The following MDN1 variants were observed in gnomAD, a reference collection of about 807,000 sequenced individuals.
MDN1 encodes the protein midasin AAA ATPase 1.
A neutral mutation model predicts 669.2 loss-of-function variants in MDN1; 266 were observed. The ratio of observed to expected loss-of-function variants is 0.40; its 90% CI spans 0.36 to 0.44. MDN1 has a LOEUF of 0.44. Ranked by LOEUF, MDN1 falls within the 20% of genes least tolerant of loss-of-function variation. The probability of loss-of-function intolerance (pLI) is 1.00; values close to 1 mark genes in which losing one functional copy is unlikely to be tolerated. For synonymous variants in MDN1, 2,385 were observed against 2,457.1 expected (o/e 0.97, Z 0.87); for missense variants, 5,940 against 6,754.0 (o/e 0.88, Z 4.22).
At chr6:89,757,195 A>G (rs1817297338) in intron 19 of MDN1, among the ~76,000 whole-genome samples, 1 of 152,124 alleles carries the variant, frequency 6.6e-6, no homozygotes, top group Non-Finnish European at 1.5e-5. Flanking sequence ...AAATCTGGTC[A>G]TTTAATTTAT....
intron 9 of MDN1, among the ~76,000 whole-genome samples, chr6:89,783,866 C>G (rs1263970679): frequency 6.6e-6 from 1 of 151,824 alleles, no homozygotes; most frequent in Non-Finnish European, 1.5e-5. Context: ...TGGCATGCAC[C>G]AGCTACTCGG....
At chr6:89,774,834 G>T (rs1019869972) in intron 12 of MDN1, 101 bp from the exon 13 acceptor site, 16 of 722,234 alleles carry the variant, frequency 2.2e-5, no homozygotes, top group South Asian at 4.9e-5. Flanking sequence ...ACTCTACAAA[G>T]AATTATTCTC....
chr6:89,651,987 G>GT (rs1808904942), intron 95 of MDN1, among the ~76,000 whole-genome samples: 1 of 152,184 alleles, frequency 6.6e-6, no homozygotes. Flanking sequence ...ACCAATTTCT[G>GT]TTTTAATTAA....
rs367853547 is a variant in MDN1 at position 89,684,392 on chromosome 6, A to T, written c.11829+484T>A. Among the ~76,000 whole-genome samples the T allele has an allele frequency of 2.3e-3, 331 of 145,718 alleles. 1 individual carries two copies. The highest frequency in any genetic ancestry group is 3.6e-3 in the Middle Eastern group (1 of 278). On this transcript the variant is annotated intron_variant, in intron 71 of 101. Coordinates refer to ENST00000369393, the MANE Select transcript of MDN1 (RefSeq NM_014611.3). ...AATGTTTTGGTCTCAAAGTGATTTAAAAAAAAAAAAAAAAAAAGAGTGCTG... is the reference window on the plus strand; with the variant it reads ...AATGTTTTGGTCTCAAAGTGATTTATAAAAAAAAAAAAAAAAAGAGTGCTG...
In MDN1 at chr6:89,764,378, G is replaced by A. The variant is rs1002836641; in HGVS notation, c.2145-1848C>T. Among the ~76,000 whole-genome samples the A allele has an allele frequency of 2.6e-5, 4 of 152,246 alleles. No homozygotes were observed. In the East Asian group the frequency reaches 7.7e-4, roughly 29 times the overall value. On this transcript the variant is annotated intron_variant, in intron 15 of 101. Transcript: ENST00000369393. ...CCCAGCACTTTGGGAGGCTAAACAG[G>A]TGGATTGCTTGAGCTCCAGAGTTCG...
rs374002329 is a variant in MDN1 at position 89,762,490 on chromosome 6, G to A, written c.2185C>T (p.Arg729Trp). ...GCAAAGAGTTCCTCAAATGCCTCCCGTAAGGGTAGCCAAATAAGCTTATGG... is the reference window on the plus strand; with the variant it reads ...GCAAAGAGTTCCTCAAATGCCTCCCATAAGGGTAGCCAAATAAGCTTATGG... The part of the protein sequence containing the change: ...VDHKLIWLPL[R>W]EAFEELFAQT... Residue 729 changes from arginine (R) to tryptophan (W), a missense_variant, in exon 16 of 102, where the codon CGG becomes TGG. Physicochemically the swap from Arg to Trp is moderately radical, Grantham distance 101. Transcript: ENST00000369393. 3 of 1,614,004 alleles carry A rather than the reference G, an allele frequency of 1.9e-6. No individual in the cohort carries two copies. The highest frequency in any genetic ancestry group is 2.5e-6 in the Non-Finnish European group (3 of 1,179,944).
chr6:89,778,909 A>AATAAATAAATAC (rs1818487718), intron 11 of MDN1, among the ~76,000 whole-genome samples: 3 of 146,970 alleles, frequency 2.0e-5, no homozygotes, highest in African/African-American at 7.5e-5. Flanking sequence ...TAAATAAATA[A>AATAAATAAATAC]ATAAATAAAT....
intron 1 of MDN1, among the ~76,000 whole-genome samples, chr6:89,812,024 T>C (rs1191207668): frequency 2.0e-5 from 3 of 151,826 alleles, no homozygotes; most frequent in Admixed American, 6.6e-5. Context: ...TCTCGCTCTA[T>C]TGCCCTGGCT....
intron 5 of MDN1, among the ~76,000 whole-genome samples, chr6:89,791,565 T>C (rs1017744598): frequency 7.9e-5 from 12 of 152,232 alleles, no homozygotes; most frequent in African/African-American, 2.4e-4. Flanking sequence ...GTATTCACTA[T>C]ACCATTCTTT....
rs756582695 is a variant in MDN1, at chr6:89,654,264, C to G, written c.15561G>C (p.Glu5187Asp). The G allele has an allele frequency of 2.5e-6, 4 of 1,614,108 alleles. No homozygotes were observed. Among genetic ancestry groups the G allele is most frequent in the Non-Finnish European group, 3.4e-6 (4 of 1,180,050 alleles). ...SGKDQEEEEIEDTLMDTEEQE... is the reference protein window; with the variant it reads ...SGKDQEEEEIDDTLMDTEEQE... ...GCTCCTCTGTGTCCATAAGGGTGTC[C>G]TCTATCTCCTCCTCTTCCTGATCTT... The change falls in exon 93 of 102, where the codon GAG (glutamate) becomes GAC (aspartate). Residue 5187 changes from glutamate to aspartate, a missense_variant. Coordinates refer to ENST00000369393, the MANE Select transcript of MDN1 (RefSeq NM_014611.3).
chr6:89,699,969 C>A, intron 57 of MDN1, 94 bp downstream of exon 57: 1 of 1,259,260 alleles, frequency 7.9e-7, no homozygotes. Context: ...GTAACCATCC[C>A]TATCAAGTCT....
chr6:89,796,794 C>T (rs1275328264), intron 2 of MDN1, among the ~76,000 whole-genome samples: 2 of 151,516 alleles, frequency 1.3e-5, no homozygotes, highest in East Asian at 1.9e-4. Context: ...CTGGGCTGGG[C>T]GCAGTGGCTC....
intron 82 of MDN1, 119 bp from the exon 83 acceptor site, chr6:89,671,199 A>G: frequency 9.2e-7 from 1 of 1,087,342 alleles, no homozygotes; most frequent in East Asian, 2.6e-5. Context: ...AATAGTACTA[A>G]TGGCAAGTTA....
intron 10 of MDN1, among the ~76,000 whole-genome samples, chr6:89,780,641 C>CTTTTA (rs1554197066): frequency 7.6e-6 from 1 of 131,216 alleles, no homozygotes; most frequent in African/African-American, 3.0e-5. Flanking sequence ...ATGCCATTTC[C>CTTTTA]TTTTTTTTTT....
At chr6:89,684,078 T>C (rs927403915) in intron 71 of MDN1, among the ~76,000 whole-genome samples, 174 bp from the exon 72 acceptor site, 3 of 152,110 alleles carry the variant, frequency 2.0e-5, no homozygotes, top group African/African-American at 7.2e-5. Flanking sequence ...GCGCGGTGGC[T>C]CACACCTGTA....
chr6:89,662,477 C>G (rs867539817), intron 86 of MDN1, among the ~76,000 whole-genome samples: 2 of 152,082 alleles, frequency 1.3e-5, no homozygotes, highest in Non-Finnish European at 2.9e-5. Context: ...TGGGCTGTTG[C>G]AGTGTTACAC....
chr6:89,650,859 A>G lies in MDN1; in HGVS notation c.15916-12T>C, dbSNP rs1409935209. On this transcript the variant is annotated splice_polypyrimidine_tract_variant and intron_variant, in intron 95 of 101. Transcript: ENST00000369393. The stretch of plus-strand genomic sequence containing the variant: ...GCTGCAACCTTCTCCTGTGACAACA[A>G]CAAAATGTAAGTTACCCTCAGAATG... 6.2e-7 allele frequency: 1 copy of G among 1,609,146 alleles called. No homozygotes were observed. Among genetic ancestry groups the G allele is most frequent in the Non-Finnish European group, 8.5e-7 (1 of 1,175,712 alleles).
At chr6:89,797,285 G>A (rs569040976) in intron 2 of MDN1, among the ~76,000 whole-genome samples, 2 of 145,358 alleles carry the variant, frequency 1.4e-5, no homozygotes, top group Admixed American at 7.3e-5. Flanking sequence ...CAGGAGAATC[G>A]CTTGAACCTG....
chr6:89,642,970 T>C lies in MDN1; in HGVS notation c.*1035A>G, dbSNP rs930341299. 6.6e-6 allele frequency: 1 copy of C among 152,232 alleles called. No individual in the cohort carries two copies. Among genetic ancestry groups the C allele is most frequent in the African/African-American group, 2.4e-5 (1 of 41,454 alleles). 9.4% of individuals were successfully genotyped at this position (152,232 alleles called of 1,614,324 possible). On this transcript the variant is annotated 3_prime_UTR_variant, in exon 102 of 102. Transcript: ENST00000369393. ...ACTTGGAAACAGACAAGGAGATAGA[T>C]GATTACATCATGACATACTGCCTAC... is the stretch of plus-strand genomic sequence containing the variant.
Sources: gnomAD v4.1 joint callset for allele counts (sites outside exome capture counted in the v4.1 genomes callset) on GRCh38, gnomAD v4.1.1 for gene constraint, MANE v1.5 for transcripts, NCBI Gene and HGNC (gene_info 2026-07-23, HGNC 2026-07-21) for gene names.